ENPP2: variants seen among roughly 807,000 people sequenced by gnomAD.
ENPP2 encodes the protein autotaxin.
In ENPP2, 51 loss-of-function variants were observed where a neutral mutation model predicts 120.2. The observed-to-expected ratio is 0.42, with a 90% CI of 0.34 to 0.54. The LOEUF is 0.54. Ranked by LOEUF, ENPP2 falls within the 20% of genes least tolerant of loss-of-function variation. ENPP2 has a pLI of 0.04. For missense variants in ENPP2, 920 were observed against 1,066.5 expected (o/e 0.86, Z 1.91); for synonymous variants, 365 against 366.4 (o/e 1.00, Z 0.04).
intron 1 of ENPP2, among the ~76,000 whole-genome samples, chr8:119,666,005 C>T (rs906500756): frequency 6.6e-6 from 1 of 152,268 alleles, no homozygotes; most frequent in Non-Finnish European, 1.5e-5. Context: ...GAATACAATA[C>T]ACCCATTGAA....
chr8:119,581,888 G>A (rs1812769780), intron 18 of ENPP2, among the ~76,000 whole-genome samples: 1 of 150,982 alleles, frequency 6.6e-6, no homozygotes, highest in African/African-American at 2.4e-5. Context: ...GCGCCACCAT[G>A]CCCGGCTAAT....
intron 1 of ENPP2, among the ~76,000 whole-genome samples, chr8:119,649,729 A>T (rs897358307): frequency 3.3e-5 from 5 of 152,250 alleles, no homozygotes; most frequent in African/African-American, 1.2e-4. Context: ...ATATAATCCA[A>T]TTTTTAAAAA....
At chr8:119,585,730 T>C (rs1015447233) in intron 15 of ENPP2, among the ~76,000 whole-genome samples, 1 of 152,124 alleles carries the variant, frequency 6.6e-6, no homozygotes, top group Non-Finnish European at 1.5e-5. Context: ...TTTAAAGCAA[T>C]GTAAAAAGTG....
At position 119,644,609 on chromosome 8, in the gene ENPP2, TATATATATATATATATAC is replaced by T. The variant is rs1306010990; in HGVS notation, c.22-6100_22-6083del. On this transcript the variant is annotated intron_variant, in intron 1 of 25. Coordinates refer to the ENPP2 transcript ENST00000427067. ...TAAAATATATATATATATATATATA[TATATATATATATATATAC>T]ACACACACACACACACACACATATA... Among the ~76,000 whole-genome samples, 23 of 101,588 alleles carry T rather than the reference TATATATATATATATATAC, an allele frequency of 2.3e-4. No homozygotes were observed. In the South Asian group the frequency reaches 3.5e-3, roughly 15 times the overall value. The allele number at this position is 101,588 out of a possible 152,430, so 66.6% of individuals were successfully genotyped here. A position where few individuals can be genotyped will look rare whatever the true frequency, so the allele number is the denominator to read the frequency against.
At chr8:119,646,367 T>C (rs1157499795) in intron 1 of ENPP2, among the ~76,000 whole-genome samples, 1 of 152,158 alleles carries the variant, frequency 6.6e-6, no homozygotes. Flanking sequence ...ACCTGGAAAC[T>C]TGTTAGAAGT....
chr8:119,634,191 A>ATAC (rs1816857951), intron 2 of ENPP2, among the ~76,000 whole-genome samples: 1 of 147,726 alleles, frequency 6.8e-6, no homozygotes, highest in Middle Eastern at 3.4e-3. Context: ...TCAAAAAATA[A>ATAC]ATACATACAT....
chr8:119,582,520 T>G lies in ENPP2; in HGVS notation c.1626A>C (p.Pro542=), dbSNP rs758424297. The change falls in exon 18 of 25, where the codon CCA becomes CCC. Residue 542 remains proline (P), a synonymous_variant. Coordinates refer to ENST00000075322, the MANE Select transcript of ENPP2 (RefSeq NM_001040092.3). The part of the protein sequence containing the change: ...NHLLRTNTFR[P]TMPEEVTRPN... ...GTCTGGTAACTTCCTCTGGCATGGT[T>G]GGCCTGAAGGTATTAGTGCGCAGGA... 2.5e-6 allele frequency: 4 copies of G among 1,613,928 alleles called. No homozygotes were observed. In the South Asian group the frequency reaches 4.4e-5, roughly 18 times the overall value.
At chr8:119,585,374 C>T (rs1298484627) in intron 15 of ENPP2, among the ~76,000 whole-genome samples, 1 of 152,162 alleles carries the variant, frequency 6.6e-6, no homozygotes, top group Non-Finnish European at 1.5e-5. Flanking sequence ...CATACTGATA[C>T]AAGTTTCTAG....
rs755611358 is a variant in ENPP2 at position 119,564,891 on chromosome 8, G to A, written c.2196C>T (p.Asn732=). 3.2e-5 allele frequency: 52 copies of A among 1,612,128 alleles called. No individual in the cohort carries two copies. The highest frequency in any genetic ancestry group is 2.2e-4 in the East Asian group (10 of 44,838). Residue 732 remains asparagine, a synonymous_variant, in exon 23 of 25, where the codon AAC becomes AAT. Coordinates refer to ENST00000075322, the MANE Select transcript of ENPP2 (RefSeq NM_001040092.3). ...AGTCGAAGATTGGTCCACTTATCAC[G>A]TTAACTCCATTTCTTTCCGAAGCAT... ...KKYASERNGV[N]VISGPIFDYD...
At chr8:119,620,573 T>C (rs1815818742) in intron 4 of ENPP2, among the ~76,000 whole-genome samples, 1 of 152,246 alleles carries the variant, frequency 6.6e-6, no homozygotes, top group African/African-American at 2.4e-5. Flanking sequence ...GGACTTGATT[T>C]TGAAATTTAA....
chr8:119,651,571 CT>C (rs888820982), intron 1 of ENPP2, among the ~76,000 whole-genome samples: 2 of 152,114 alleles, frequency 1.3e-5, no homozygotes, highest in African/African-American at 4.8e-5. Flanking sequence ...GGAATTTCAA[CT>C]GTGTGCTGAA....
chr8:119,597,648 G>A (rs2130521965), intron 11 of ENPP2, among the ~76,000 whole-genome samples: 1 of 152,170 alleles, frequency 6.6e-6, no homozygotes, highest in East Asian at 1.9e-4. Context: ...AGCTCTGCCT[G>A]TAGGCCCGGA....
chr8:119,634,191 AATACATACATACATACATACATAC>A (rs5894490), intron 2 of ENPP2, among the ~76,000 whole-genome samples: 1 of 147,608 alleles, frequency 6.8e-6, no homozygotes, highest in Admixed American at 6.8e-5. Context: ...TCAAAAAATA[AATACATACATACATACATACATAC>A]ATACATACAT....
chr8:119,623,880 C>T (rs995948519), intron 3 of ENPP2, among the ~76,000 whole-genome samples: 1 of 152,172 alleles, frequency 6.6e-6, no homozygotes, highest in Non-Finnish European at 1.5e-5. Flanking sequence ...CCTCCCTCAG[C>T]CTCCCAAAGT....
At chr8:119,603,734 T>C (rs1003833601) in intron 9 of ENPP2, among the ~76,000 whole-genome samples, 12 of 152,196 alleles carry the variant, frequency 7.9e-5, no homozygotes, top group Non-Finnish European at 1.8e-4. Context: ...AGAGATGATA[T>C]ATTCATTCAC....
chr8:119,614,865 C>T (rs1815352919), intron 8 of ENPP2, among the ~76,000 whole-genome samples: 1 of 152,162 alleles, frequency 6.6e-6, no homozygotes, highest in South Asian at 2.1e-4. Flanking sequence ...TGATCACACC[C>T]TAGGCCATTA....
At chr8:119,617,817 C>T (rs749789951) in intron 5 of ENPP2, among the ~76,000 whole-genome samples, 1 of 152,018 alleles carries the variant, frequency 6.6e-6, no homozygotes, top group Non-Finnish European at 1.5e-5. Flanking sequence ...CACGTGGTGG[C>T]GGGCACCTGT....
At chr8:119,575,894 C>A (rs886129627) in intron 19 of ENPP2, among the ~76,000 whole-genome samples, 1 of 152,112 alleles carries the variant, frequency 6.6e-6, no homozygotes, top group Admixed American at 6.5e-5. Context: ...AAACAATAAA[C>A]AATTACTATG....
intron 1 of ENPP2, among the ~76,000 whole-genome samples, chr8:119,652,994 A>G (rs772276712): frequency 6.6e-6 from 1 of 152,204 alleles, no homozygotes; most frequent in East Asian, 1.9e-4. Flanking sequence ...TGCAAGCTCT[A>G]TAGAAGCCCA....
Sources: allele counts gnomAD v4.1 joint callset (sites outside exome capture counted in the v4.1 genomes callset), GRCh38; gene constraint gnomAD v4.1.1; transcripts MANE v1.5; gene names NCBI Gene and HGNC (gene_info 2026-07-23, HGNC 2026-07-21).